The following TAFA2 variants were observed in gnomAD, a reference collection of about 807,000 sequenced individuals.
TAFA2 encodes the protein TAFA chemokine like family member 2, also known as chemokine-like protein TAFA-2.
In TAFA2, 7 loss-of-function variants were observed where a neutral mutation model predicts 18.8. The observed-to-expected ratio is 0.37, with a 90% confidence interval of 0.21 to 0.70. TAFA2 has a LOEUF of 0.70. Ranked by LOEUF, TAFA2 falls within the 30% of genes least tolerant of loss-of-function variation. TAFA2 has a pLI of 0.53. For missense variants in TAFA2, 122 were observed against 158.1 expected (o/e 0.77, Z 1.23); for synonymous variants, 60 against 54.2 (o/e 1.11, Z -0.47).
At chr12:62,127,472 A>G (rs1870511395) in intron 1 of TAFA2, among the ~76,000 whole-genome samples, 1 of 151,950 alleles carries the variant, frequency 6.6e-6, no homozygotes, top group African/African-American at 2.4e-5. Context: ...TTCTGTGAAA[A>G]CTGGTTCATC....
intron 1 of TAFA2, among the ~76,000 whole-genome samples, chr12:61,920,253 T>G (rs564455760): frequency 4.6e-5 from 7 of 152,206 alleles, no homozygotes; most frequent in Admixed American, 4.6e-4. Context: ...CCCAAAATAT[T>G]CCACTTTGGC....
chr12:61,978,285 T>A lies in TAFA2; in HGVS notation c.-1-110859A>T, dbSNP rs1879507543. Among the ~76,000 whole-genome samples the A allele has an allele frequency of 2.0e-5, 3 of 152,196 alleles. 1 individual carries two copies. In the South Asian group the frequency reaches 6.2e-4, roughly 32 times the overall value. On this transcript the variant is annotated intron_variant, in intron 1 of 4. Coordinates refer to ENST00000416284, the MANE Select transcript of TAFA2 (RefSeq NM_178539.5). ...AATTTAATGAAATTTCCAAAAGGCCTAACATCCTATATAAATATCTTCTAA... is the reference window on the plus strand; with the variant it reads ...AATTTAATGAAATTTCCAAAAGGCCAAACATCCTATATAAATATCTTCTAA...
chr12:62,016,229 A>G (rs1490066862), intron 1 of TAFA2, among the ~76,000 whole-genome samples: 2 of 152,222 alleles, frequency 1.3e-5, no homozygotes, highest in African/African-American at 4.8e-5. Flanking sequence ...AGGAACTTCA[A>G]GTGAAGGAAG....
chr12:61,797,938 A>G (rs1871252296), intron 2 of TAFA2, among the ~76,000 whole-genome samples: 1 of 152,196 alleles, frequency 6.6e-6, no homozygotes, highest in African/African-American at 2.4e-5. Context: ...TATCATATAC[A>G]GTGTCTACTC....
intron 1 of TAFA2, among the ~76,000 whole-genome samples, chr12:62,052,141 G>A (rs967170407): frequency 5.9e-5 from 9 of 151,940 alleles, no homozygotes; most frequent in Non-Finnish European, 1.3e-4. Context: ...ATTTACCAAT[G>A]TCTCTTCTCA....
At chr12:61,979,510 A>G (rs1879555322) in intron 1 of TAFA2, among the ~76,000 whole-genome samples, 1 of 152,148 alleles carries the variant, frequency 6.6e-6, no homozygotes, top group African/African-American at 2.4e-5. Flanking sequence ...AGCTGGTAGC[A>G]TAAGTTCATC....
intron 2 of TAFA2, among the ~76,000 whole-genome samples, chr12:61,771,654 T>A (rs537044799): frequency 1.3e-5 from 2 of 151,854 alleles, no homozygotes; most frequent in Non-Finnish European, 2.9e-5. Flanking sequence ...GAAACCAAAA[T>A]TGAAATTTTA....
At chr12:61,842,116 G>A (rs922361709) in intron 2 of TAFA2, among the ~76,000 whole-genome samples, 1 of 151,636 alleles carries the variant, frequency 6.6e-6, no homozygotes, top group Non-Finnish European at 1.5e-5. Context: ...GATTCAAAGC[G>A]GTATAGAAAA....
At chr12:61,749,993 C>CCACA (rs34947699) in intron 4 of TAFA2, among the ~76,000 whole-genome samples, 9,403 of 148,836 alleles carry the variant, frequency 0.063, 745 homozygotes, top group African/African-American at 0.19. Context: ...TCAAAACACC[C>CCACA]CACACACACA....
intron 1 of TAFA2, among the ~76,000 whole-genome samples, chr12:61,898,795 T>A (rs1875970084): frequency 6.6e-6 from 1 of 152,218 alleles, no homozygotes; most frequent in African/African-American, 2.4e-5. Flanking sequence ...TCCTCATTAC[T>A]TATGTAAATT....
chr12:61,910,646 A>G (rs967497472), intron 1 of TAFA2, among the ~76,000 whole-genome samples: 2 of 152,202 alleles, frequency 1.3e-5, no homozygotes, highest in Non-Finnish European at 2.9e-5. Context: ...ACCTTAAGTG[A>G]CAATAAGATT....
At chr12:62,093,478 A>C (rs1868808738) in intron 1 of TAFA2, among the ~76,000 whole-genome samples, 1 of 152,096 alleles carries the variant, frequency 6.6e-6, no homozygotes, top group African/African-American at 2.4e-5. Context: ...GAATTTACAC[A>C]TTCAAATGAA....
intron 1 of TAFA2, chr12:62,021,944 A>G: frequency 1.4e-6 from 1 of 717,442 alleles, no homozygotes; most frequent in Non-Finnish European, 2.6e-6. Flanking sequence ...ACACCATGGC[A>G]GGCCCTCCTC....
chr12:61,853,631 T>A (rs1362376417), intron 2 of TAFA2, among the ~76,000 whole-genome samples: 1 of 152,126 alleles, frequency 6.6e-6, no homozygotes, highest in Non-Finnish European at 1.5e-5. Context: ...GTGGGAGCAT[T>A]TCTGAAAGCT....
At chr12:62,097,272 G>A (rs1356682855) in intron 1 of TAFA2, among the ~76,000 whole-genome samples, 2 of 152,108 alleles carry the variant, frequency 1.3e-5, no homozygotes, top group Admixed American at 6.6e-5. Context: ...AGGATAGAAA[G>A]GAGCTTATTT....
intron 1 of TAFA2, among the ~76,000 whole-genome samples, chr12:62,184,552 G>A (rs2062572971): frequency 7.1e-6 from 1 of 141,652 alleles, no homozygotes; most frequent in African/African-American, 2.7e-5. Context: ...TAGAGTGCAT[G>A]GTGTGATCAC....
chr12:62,079,618 C>T (rs372231105), intron 1 of TAFA2, among the ~76,000 whole-genome samples: 7 of 151,206 alleles, frequency 4.6e-5, no homozygotes, highest in East Asian at 2.0e-4. Flanking sequence ...AAGCCGAGAT[C>T]GTGCCACTAC....
chr12:61,842,509 C>T (rs1873228558), intron 2 of TAFA2, among the ~76,000 whole-genome samples: 1 of 151,758 alleles, frequency 6.6e-6, no homozygotes, highest in South Asian at 2.1e-4. Flanking sequence ...AAGTTAAGAA[C>T]CTAAGTTTAT....
chr12:62,108,063 G>A lies in TAFA2; in HGVS notation c.-2+83196C>T, dbSNP rs546656209. Among the ~76,000 whole-genome samples, 190 of 151,978 alleles carry A rather than the reference G, an allele frequency of 1.3e-3. 1 individual carries two copies. The highest frequency in any genetic ancestry group is 2.7e-3 in the Admixed American group (41 of 15,250). ...GCAGGTTTCTTACGTAGGTATACACGTGCCATGGTGGTTTGCTGCACCCCT... is the reference window on the plus strand; with the variant it reads ...GCAGGTTTCTTACGTAGGTATACACATGCCATGGTGGTTTGCTGCACCCCT... On this transcript the variant is annotated intron_variant, in intron 1 of 4. Coordinates refer to ENST00000416284, the MANE Select transcript of TAFA2 (RefSeq NM_178539.5).
Sources: gnomAD v4.1 joint callset for allele counts (sites outside exome capture counted in the v4.1 genomes callset) on GRCh38, gnomAD v4.1.1 for gene constraint, MANE v1.5 for transcripts, NCBI Gene and HGNC (gene_info 2026-07-23, HGNC 2026-07-21) for gene names.